DENND5B: variants seen among roughly 807,000 people sequenced by gnomAD.
The protein encoded by DENND5B is DENN domain containing 5B, also known as DENN domain-containing protein 5B.
DENND5B carries 34 observed loss-of-function variants against 140.6 expected under a neutral mutation model. The ratio of observed to expected loss-of-function variants is 0.24; its 90% confidence interval spans 0.18 to 0.32. The LOEUF (loss-of-function observed/expected upper bound fraction) is 0.32. Among genes scored for constraint, DENND5B ranks in the 10% least tolerant of loss-of-function variants. DENND5B has a pLI of 1.00. For synonymous variants in DENND5B, 551 were observed against 562.1 expected, an observed-to-expected ratio of 0.98 and a Z score of 0.28; for missense variants, 1,142 against 1,560.2, an observed-to-expected ratio of 0.73 and a Z score of 4.52.
chr12:31,404,073 T>C (rs1490021951), intron 14 of DENND5B, among the ~76,000 whole-genome samples: 1 of 149,154 alleles, frequency 6.7e-6, no homozygotes, highest in East Asian at 2.0e-4. Flanking sequence ...ATAAAAAACA[T>C]AATTAGCCAG....
chr12:31,559,231 AC>A (rs1949395598), intron 1 of DENND5B, among the ~76,000 whole-genome samples: 1 of 152,154 alleles, frequency 6.6e-6, no homozygotes. Flanking sequence ...AAATTAAGCT[AC>A]CCTCCCTAAG....
chr12:31,411,329 G>A (rs1038186628), intron 13 of DENND5B, among the ~76,000 whole-genome samples: 1 of 134,340 alleles, frequency 7.4e-6, no homozygotes, highest in Non-Finnish European at 1.5e-5. Flanking sequence ...GAGCCAACAC[G>A]CCCGGCCTTT....
intron 11 of DENND5B, among the ~76,000 whole-genome samples, chr12:31,418,282 C>CCTT (rs753518093): frequency 7.5e-6 from 1 of 133,066 alleles, no homozygotes. Flanking sequence ...TTTTTCTTTT[C>CCTT]TTTTTTTTTT....
chr12:31,550,290 C>G (rs1368188692), intron 1 of DENND5B, among the ~76,000 whole-genome samples: 2 of 146,124 alleles, frequency 1.4e-5, no homozygotes, highest in Admixed American at 7.1e-5. Flanking sequence ...GTTCAATTCC[C>G]ACCTATGAGT....
intron 11 of DENND5B, among the ~76,000 whole-genome samples, chr12:31,418,274 T>C (rs73290139): frequency 0.22 from 21,428 of 97,562 alleles, 1,772 homozygotes; most frequent in East Asian, 0.36. Flanking sequence ...CATATCTTTT[T>C]TTCTTTTCTT....
chr12:31,486,804 T>C (rs1429245522), intron 2 of DENND5B, among the ~76,000 whole-genome samples: 1 of 152,232 alleles, frequency 6.6e-6, no homozygotes, highest in Non-Finnish European at 1.5e-5. Flanking sequence ...AAAAATAGTG[T>C]TCTCTTCATC....
chr12:31,516,930 C>A (rs1308194423), intron 1 of DENND5B, among the ~76,000 whole-genome samples: 3 of 152,000 alleles, frequency 2.0e-5, no homozygotes, highest in African/African-American at 4.8e-5. Flanking sequence ...CAGAGTGAGA[C>A]CCTATCTCAA....
intron 1 of DENND5B, among the ~76,000 whole-genome samples, chr12:31,545,362 C>T (rs1259955693): frequency 6.6e-6 from 1 of 152,040 alleles, no homozygotes; most frequent in East Asian, 1.9e-4. Context: ...ATATAATACC[C>T]GTTTTTCAAC....
chr12:31,476,543 A>G (rs1401530312), intron 3 of DENND5B, among the ~76,000 whole-genome samples: 1 of 151,996 alleles, frequency 6.6e-6, no homozygotes, highest in Non-Finnish European at 1.5e-5. Flanking sequence ...ACACAGGAGG[A>G]TTACCTAACT....
At position 31,433,165 on chromosome 12, in the gene DENND5B, T is replaced by C. The variant is rs1291547840; in HGVS notation, c.2096A>G (p.Asp699Gly). 1.2e-6 allele frequency: 2 copies of C among 1,613,948 alleles called. No individual in the cohort carries two copies. Among genetic ancestry groups the C allele is most frequent in the Non-Finnish European group, 1.7e-6 (2 of 1,179,882 alleles). Residue 699 changes from aspartate (D) to glycine (G), a missense_variant, in exon 8 of 21, where the codon GAC becomes GGC. Around this residue, in one of 5 missense-constraint regions of DENND5B, gnomAD observed 708 missense variants for 905.5 expected, o/e 0.78. Coordinates refer to ENST00000389082, the MANE Select transcript of DENND5B (RefSeq NM_144973.4). ...QHSEHVGLDN[D>G]LREKYMQEAR... ...AGGTAGACCACATACCTCCCTCAAGTCGTTGTCCAGCCCAACATGCTCAGA... is the reference window on the plus strand; with the variant it reads ...AGGTAGACCACATACCTCCCTCAAGCCGTTGTCCAGCCCAACATGCTCAGA...
At chr12:31,488,682 A>G (rs553102423) in intron 2 of DENND5B, among the ~76,000 whole-genome samples, 12 of 152,330 alleles carry the variant, frequency 7.9e-5, no homozygotes, top group African/African-American at 2.9e-4. Flanking sequence ...GAACTACAAG[A>G]TACTTTCTCA....
At chr12:31,417,467 G>C (rs1245348609) in intron 11 of DENND5B, among the ~76,000 whole-genome samples, 1 of 151,584 alleles carries the variant, frequency 6.6e-6, no homozygotes, top group Non-Finnish European at 1.5e-5. Flanking sequence ...TGCAAAGTGA[G>C]TAATCTAAAT....
intron 1 of DENND5B, among the ~76,000 whole-genome samples, chr12:31,556,841 TA>T (rs1949303327): frequency 6.6e-6 from 1 of 151,902 alleles, no homozygotes; most frequent in African/African-American, 2.4e-5. Flanking sequence ...GCAATATGAT[TA>T]AAAAAAAGAA....
rs1940719202 is a variant in DENND5B at position 31,383,476 on chromosome 12, T to C, written c.*4127A>G. 6.6e-6 allele frequency: 1 copy of C among 152,194 alleles called. No homozygotes were observed. The highest frequency in any genetic ancestry group is 2.4e-5 in the African/African-American group (1 of 41,450). 9.4% of individuals were successfully genotyped at this position (152,194 alleles called of 1,614,324 possible). ...ATTCATATAGTGTGATAGAAGTTCA[T>C]TAAAATAATTTTTTAAAAAGCCATG... On this transcript the variant is annotated 3_prime_UTR_variant, in exon 21 of 21. Transcript: ENST00000389082.
rs568492504 is a variant in DENND5B at position 31,443,267 on chromosome 12, G to A, written c.1862-342C>T. Among the ~76,000 whole-genome samples the A allele has an allele frequency of 1.5e-4, 23 of 152,230 alleles. No individual in the cohort carries two copies. The South Asian group carries it at 1.7e-3, about 11-fold the overall frequency. On this transcript the variant is annotated intron_variant, in intron 6 of 20. Coordinates refer to ENST00000389082, the MANE Select transcript of DENND5B (RefSeq NM_144973.4). Reference sequence around the variant, plus strand: ...GTTTTGTATTTTTAGTAGAGATGGCGTTTCATCATGTTGCTCAGGCTGGTC... The same window carrying A: ...GTTTTGTATTTTTAGTAGAGATGGCATTTCATCATGTTGCTCAGGCTGGTC...
At chr12:31,588,717 G>C (rs1165968346) in intron 1 of DENND5B, among the ~76,000 whole-genome samples, 1 of 152,192 alleles carries the variant, frequency 6.6e-6, no homozygotes, top group East Asian at 1.9e-4. Flanking sequence ...CATGGTTACG[G>C]AGAGATGATT....
intron 11 of DENND5B, among the ~76,000 whole-genome samples, chr12:31,421,868 T>A (rs188361178): frequency 2.0e-5 from 3 of 152,170 alleles, no homozygotes; most frequent in Non-Finnish European, 4.4e-5. Flanking sequence ...ACTATTTTTT[T>A]AACAGAAAAA....
At chr12:31,398,915 A>G (rs954960114) in intron 16 of DENND5B, among the ~76,000 whole-genome samples, 5 of 151,840 alleles carry the variant, frequency 3.3e-5, no homozygotes, top group African/African-American at 1.2e-4. Context: ...TGAGGTTAGG[A>G]GTTTGAGACC....
intron 2 of DENND5B, among the ~76,000 whole-genome samples, chr12:31,493,464 C>T (rs1946610750): frequency 6.6e-6 from 1 of 152,102 alleles, no homozygotes; most frequent in Non-Finnish European, 1.5e-5. Flanking sequence ...GAGGCTGAGG[C>T]GGGTGGATCA....
Sources: gnomAD v4.1 joint callset for allele counts (sites outside exome capture counted in the v4.1 genomes callset) on GRCh38, gnomAD v4.1.1 for gene constraint, gnomAD v4.1.1 regional missense constraint, MANE v1.5 for transcripts, NCBI Gene and HGNC (gene_info 2026-07-23, HGNC 2026-07-21) for gene names.